Variants in YTHDC2 observed in about 807,000 individuals in gnomAD.
YTHDC2 encodes the protein YTH N6-methyladenosine RNA binding protein C2.
Under a neutral mutation model 174.9 loss-of-function variants are expected in YTHDC2, and 45 were observed. The observed-to-expected ratio is 0.26, with a 90% CI of 0.20 to 0.33. YTHDC2 has a LOEUF of 0.33. Ranked by LOEUF, YTHDC2 falls within the 10% of genes least tolerant of loss-of-function variation. YTHDC2 has a pLI of 1.00. For missense variants in YTHDC2, 1,650 were observed against 1,723.7 expected (o/e 0.96, Z 0.76); for synonymous variants, 657 against 574.5 (o/e 1.14, Z -2.05).
intron 6 of YTHDC2, among the ~76,000 whole-genome samples, chr5:113,535,055 T>C (rs1774959478): frequency 6.6e-6 from 1 of 152,196 alleles, no homozygotes; most frequent in South Asian, 2.1e-4. Flanking sequence ...CACATTAAAT[T>C]GGACTTTACT....
At chr5:113,533,320 A>G (rs1774817734) in intron 5 of YTHDC2, among the ~76,000 whole-genome samples, 1 of 151,784 alleles carries the variant, frequency 6.6e-6, no homozygotes, top group South Asian at 2.1e-4. Context: ...AGGCGGGTGG[A>G]TCACCTGCGG....
At position 113,548,570 on chromosome 5, in the gene YTHDC2, A is replaced by T; in HGVS notation, c.1525A>T (p.Thr509Ser). 1 of 1,612,260 alleles carries T rather than the reference A, an allele frequency of 6.2e-7. No individual in the cohort carries two copies. Among genetic ancestry groups the T allele is most frequent in the Non-Finnish European group, 8.5e-7 (1 of 1,179,306 alleles). Residue 509 changes from threonine to serine, a missense_variant, in exon 11 of 30, where the codon ACA becomes TCA. Around this residue, in one of 5 missense-constraint regions of YTHDC2, gnomAD observed 411 missense variants for 380.6 expected, o/e 1.08. Transcript: ENST00000161863. Reference sequence around the variant, plus strand: ...TTACAGACATAGTGAAACCAGTGCAACAGCTCTGATGGTTGCTGCAGGACG... The same window carrying T: ...TTACAGACATAGTGAAACCAGTGCATCAGCTCTGATGGTTGCTGCAGGACG... ...VDYRHSETSA[T>S]ALMVAAGRGF...
chr5:113,532,425 A>G (rs1774736944), intron 4 of YTHDC2, among the ~76,000 whole-genome samples: 1 of 152,126 alleles, frequency 6.6e-6, no homozygotes, highest in South Asian at 2.1e-4. Context: ...ACAATCCTGG[A>G]TTATAGACTA....
At chr5:113,567,871 A>T (rs1777451471) in intron 23 of YTHDC2, 22 bp downstream of exon 23, 3 of 1,461,300 alleles carry the variant, frequency 2.1e-6, no homozygotes, top group Non-Finnish European at 9.1e-7. Context: ...AAGGAAATAA[A>T]AATCTATTTG....
In YTHDC2 at chr5:113,532,905, C is replaced by T. The variant is rs1006361401; in HGVS notation, c.702C>T (p.Cys234=). 1.2e-6 allele frequency: 2 copies of T among 1,612,708 alleles called. No individual in the cohort carries two copies. Among genetic ancestry groups the T allele is most frequent in the Non-Finnish European group, 1.7e-6 (2 of 1,179,320 alleles). Residue 234 remains cysteine, a synonymous_variant, in exon 5 of 30, where the codon TGC becomes TGT. Transcript: ENST00000161863. ...TTCCTCAGTTCCTTTTAGATGATTG[C>T]TTTAAAAATGGTATCCCCTGCCGTA... is the stretch of plus-strand genomic sequence containing the variant. ...TQIPQFLLDD[C]FKNGIPCRIF...
intron 10 of YTHDC2, among the ~76,000 whole-genome samples, chr5:113,546,958 A>G (rs995913155): frequency 2.0e-5 from 3 of 150,196 alleles, no homozygotes; most frequent in African/African-American, 7.3e-5. Context: ...CTTCTCTGAG[A>G]GTGATTCAAG....
At chr5:113,541,141 C>T (rs772097682) in intron 9 of YTHDC2, 25 bp downstream of exon 9, 11 of 1,610,842 alleles carry the variant, frequency 6.8e-6, no homozygotes, top group Non-Finnish European at 7.6e-6. Flanking sequence ...GTTTCCCACT[C>T]ATATTTTGTG....
At position 113,563,844 on chromosome 5, in the gene YTHDC2, T is replaced by C. The variant is rs1471475105; in HGVS notation, c.2443-15T>C. 1.9e-6 allele frequency: 3 copies of C among 1,613,826 alleles called. No individual in the cohort carries two copies. The highest frequency in any genetic ancestry group is 1.3e-5 in the African/African-American group (1 of 75,052). On this transcript the variant is annotated splice_polypyrimidine_tract_variant and intron_variant, in intron 19 of 29. Transcript: ENST00000161863. Reference sequence around the variant, plus strand: ...TTTGCTCACATCAAAGTCTGTTCTGTCTCCTTTTACTTAGACAATAGATGC... The same window carrying C: ...TTTGCTCACATCAAAGTCTGTTCTGCCTCCTTTTACTTAGACAATAGATGC...
rs1299832477 is a variant in YTHDC2 at position 113,563,301 on chromosome 5, C to T, written c.2323-72C>T. ...GTCTGTGTTTGGGAACTGTAGTTCC[C>T]ATGATTTCTTTAAATGTGTAGGTTA... On this transcript the variant is annotated intron_variant, in intron 18 of 29. Coordinates refer to ENST00000161863, the MANE Select transcript of YTHDC2 (RefSeq NM_022828.5). The T allele has an allele frequency of 8.9e-6, 12 of 1,350,418 alleles. 1 individual carries two copies. In the East Asian group the frequency reaches 2.8e-4, roughly 31 times the overall value. 83.7% of individuals were successfully genotyped at this position (1,350,418 alleles called of 1,614,324 possible).
At chr5:113,552,699 A>G (rs1415875800) in intron 12 of YTHDC2, among the ~76,000 whole-genome samples, 1 of 152,082 alleles carries the variant, frequency 6.6e-6, no homozygotes, top group Non-Finnish European at 1.5e-5. Flanking sequence ...GCTGGGGCAT[A>G]TGGTAACTCT....
chr5:113,590,938 A>T, intron 26 of YTHDC2, 103 bp from the exon 27 acceptor site: 1 of 941,758 alleles, frequency 1.1e-6, no homozygotes, highest in Non-Finnish European at 1.6e-6. Context: ...TGAATATATG[A>T]TAAAATATTT....
chr5:113,524,394 A>G (rs889365283), intron 2 of YTHDC2, among the ~76,000 whole-genome samples: 2 of 152,140 alleles, frequency 1.3e-5, no homozygotes, highest in African/African-American at 4.8e-5. Flanking sequence ...TCATTACCTT[A>G]TAATTGAAGA....
intron 3 of YTHDC2, 42 bp from the exon 4 acceptor site, chr5:113,526,544 G>A (rs773998226): frequency 3.9e-5 from 58 of 1,496,212 alleles, no homozygotes; most frequent in East Asian, 4.9e-5. Flanking sequence ...TTCTTTTTCC[G>A]TGTTGATCAT....
chr5:113,575,102 A>G (rs1056146169), intron 23 of YTHDC2, among the ~76,000 whole-genome samples: 5 of 152,268 alleles, frequency 3.3e-5, no homozygotes, highest in East Asian at 1.9e-4. Flanking sequence ...TGGATATTTC[A>G]GTTGAAGATG....
rs753091753 is a variant in YTHDC2 at position 113,564,027 on chromosome 5, G to A, written c.2611G>A (p.Val871Ile). 6 of 1,614,080 alleles carry A rather than the reference G, an allele frequency of 3.7e-6. No homozygotes were observed. Among genetic ancestry groups the A allele is most frequent in the Non-Finnish European group, 5.1e-6 (6 of 1,180,014 alleles). ...ACTLAYRDPF[V>I]LPTQASQKRA... ...CACACTAGCTTATCGAGATCCTTTT[G>A]TACTACCTACTCAGGCCTCTCAAAA... Residue 871 changes from valine (V) to isoleucine (I), a missense_variant, in exon 20 of 30, where the codon GTA becomes ATA. By Grantham distance (29) the Val-to-Ile change is conservative (BLOSUM62 3). Around this residue, in one of 5 missense-constraint regions of YTHDC2, gnomAD observed 913 missense variants for 940.4 expected, o/e 0.97. Coordinates refer to ENST00000161863, the MANE Select transcript of YTHDC2 (RefSeq NM_022828.5).
chr5:113,515,176 G>A, intron 1 of YTHDC2, 96 bp from the exon 2 acceptor site: 1 of 771,272 alleles, frequency 1.3e-6, no homozygotes, highest in South Asian at 1.8e-5. Context: ...AAATTTGATT[G>A]TCTATGTATG....
At chr5:113,526,987 A>C (rs1774304340) in intron 4 of YTHDC2, among the ~76,000 whole-genome samples, 1 of 151,954 alleles carries the variant, frequency 6.6e-6, no homozygotes, top group Admixed American at 6.6e-5. Context: ...TTGTAGAAAG[A>C]AAATGTTTTA....
At position 113,535,555 on chromosome 5, in the gene YTHDC2, G is replaced by A. The variant is rs893705419; in HGVS notation, c.946-87G>A. The A allele has an allele frequency of 7.7e-6, 10 of 1,295,330 alleles. No individual in the cohort carries two copies. In the East Asian group the frequency reaches 2.6e-4, roughly 33 times the overall value. The allele number at this position is 1,295,330 out of a possible 1,614,324, so 80.2% of individuals were successfully genotyped here. A position where few individuals can be genotyped will look rare whatever the true frequency, so the allele number is the denominator to read the frequency against. On this transcript the variant is annotated intron_variant, in intron 6 of 29. Transcript: ENST00000161863. Reference sequence around the variant, plus strand: ...TTGTCCACATTTAATTTGAATTAGTGTAAAACCCAGTGGTGCCATTGTTTT... The same window carrying A: ...TTGTCCACATTTAATTTGAATTAGTATAAAACCCAGTGGTGCCATTGTTTT...
intron 4 of YTHDC2, among the ~76,000 whole-genome samples, chr5:113,527,439 G>A (rs1245631232): frequency 6.6e-6 from 1 of 152,112 alleles, no homozygotes; most frequent in Non-Finnish European, 1.5e-5. Context: ...GTACATTCTT[G>A]CGGCATTTCA....
Sources: allele counts gnomAD v4.1 joint callset (sites outside exome capture counted in the v4.1 genomes callset), GRCh38; gene constraint gnomAD v4.1.1; regional missense constraint gnomAD v4.1.1; transcripts MANE v1.5; gene names NCBI Gene and HGNC (gene_info 2026-07-23, HGNC 2026-07-21).